Variants in PRIM2 observed in about 807,000 individuals in gnomAD.
The protein encoded by PRIM2 is DNA primase subunit 2.
Under a neutral mutation model 67.3 loss-of-function variants are expected in PRIM2, and 39 were observed. That is an observed-to-expected ratio of 0.58 (90% confidence interval 0.45 to 0.76). PRIM2 has a LOEUF of 0.76. Ranked by LOEUF, PRIM2 falls within the 30% of genes least tolerant of loss-of-function variation. The pLI is 0.00. For synonymous variants in PRIM2, 143 were observed against 198.7 expected (o/e 0.72, Z 2.36); for missense variants, 398 against 598.7 (o/e 0.66, Z 3.50).
chr6:57,391,791 G>A (rs1013866996), intron 7 of PRIM2, among the ~76,000 whole-genome samples: 4 of 152,082 alleles, frequency 2.6e-5, no homozygotes, highest in Non-Finnish European at 5.9e-5. Context: ...GAAATTGGTA[G>A]TGTGATGCCT....
Position 57,625,452 on chromosome 6 carries a change from A to G in PRIM2, c.1231-6681A>G, listed in dbSNP as rs1362342124. 2.0e-5 allele frequency among the ~76,000 whole-genome samples: 3 copies of G among 152,222 alleles called. No homozygotes were observed. The East Asian group carries it at 5.8e-4, about 29-fold the overall frequency. ...AGGATTTTGTGAGCTAAAGTTCCAAAGATCACATTGCAGGAGAAGCTGGAC... is the reference window on the plus strand; with the variant it reads ...AGGATTTTGTGAGCTAAAGTTCCAAGGATCACATTGCAGGAGAAGCTGGAC... On this transcript the variant is annotated intron_variant, in intron 12 of 13. Transcript: ENST00000615550.
At chr6:57,620,557 A>G (rs1174005643) in intron 12 of PRIM2, among the ~76,000 whole-genome samples, 4 of 152,232 alleles carry the variant, frequency 2.6e-5, no homozygotes, top group Non-Finnish European at 2.9e-5. Context: ...AAGAACTGCT[A>G]AAAGGAGCTC....
chr6:57,303,970 C>A, the PRIM2 span, among the ~76,000 whole-genome samples: 1 of 152,088 alleles, frequency 6.6e-6, no homozygotes, highest in Non-Finnish European at 1.5e-5. Context: ...GGAAAAACAT[C>A]CAAATTGAAA....
the PRIM2 span, among the ~76,000 whole-genome samples, chr6:57,245,033 G>A: frequency 6.6e-6 from 1 of 152,174 alleles, no homozygotes; most frequent in Non-Finnish European, 1.5e-5. Context: ...TCCCGGCAGG[G>A]AAGAACTGCC....
chr6:57,535,987 A>C (rs1240707677), intron 9 of PRIM2, among the ~76,000 whole-genome samples: 1 of 152,218 alleles, frequency 6.6e-6, no homozygotes, highest in East Asian at 1.9e-4. Context: ...TTAGAAAAAA[A>C]TCAGATATTA....
chr6:57,410,197 A>G (rs1237978431), intron 7 of PRIM2, among the ~76,000 whole-genome samples: 4 of 151,896 alleles, frequency 2.6e-5, no homozygotes, highest in Admixed American at 2.6e-4. Context: ...GGTGGCGGGT[A>G]CCTGTAATCC....
chr6:57,222,532 T>C, the PRIM2 span, among the ~76,000 whole-genome samples: 20 of 152,356 alleles, frequency 1.3e-4, no homozygotes, highest in Admixed American at 1.3e-3. Flanking sequence ...GTTATCACAC[T>C]TCCAGTGTCC....
chr6:57,324,100 T>C, intron 3 of PRIM2, 101 bp from the exon 4 acceptor site: 1 of 658,054 alleles, frequency 1.5e-6, no homozygotes, highest in East Asian at 2.8e-5. Context: ...AAGAAATGTT[T>C]TTGAAACTTA....
chr6:57,506,116 A>C (rs1435100603), intron 7 of PRIM2, among the ~76,000 whole-genome samples: 1 of 147,076 alleles, frequency 6.8e-6, no homozygotes, highest in Non-Finnish European at 1.5e-5. Flanking sequence ...TTTTTTTAAT[A>C]CTTAGTACTT....
At chr6:57,258,378 T>TC in the PRIM2 span, among the ~76,000 whole-genome samples, 1 of 151,768 alleles carries the variant, frequency 6.6e-6, no homozygotes, top group Non-Finnish European at 1.5e-5. Flanking sequence ...CTGACGCAAA[T>TC]GAGGTTTAAA....
the PRIM2 span, among the ~76,000 whole-genome samples, chr6:57,264,279 C>T: frequency 0.54 from 81,600 of 151,918 alleles, 23,749 homozygotes; most frequent in East Asian, 0.82. Context: ...ACCTGAAGCC[C>T]TCTTTAGTGT....
the PRIM2 span, among the ~76,000 whole-genome samples, chr6:57,241,689 T>TTTC: frequency 6.2e-4 from 1 of 1,626 alleles, no homozygotes; most frequent in South Asian, 0.036. Flanking sequence ...GAACTATGTA[T>TTTC]TTTTTTTTTT....
At chr6:57,585,006 AAAGG>A (rs1776163266) in intron 10 of PRIM2, among the ~76,000 whole-genome samples, 1 of 152,208 alleles carries the variant, frequency 6.6e-6, no homozygotes. Flanking sequence ...CAGAGCAGAA[AAAGG>A]AATATTTAAT....
the PRIM2 span, among the ~76,000 whole-genome samples, chr6:57,235,413 G>A: frequency 3.3e-5 from 5 of 150,648 alleles, no homozygotes; most frequent in Admixed American, 2.0e-4. Flanking sequence ...GCAGTGAGCT[G>A]AGATCGCGCC....
chr6:57,484,736 C>T (rs1423576892), intron 7 of PRIM2, among the ~76,000 whole-genome samples: 2 of 152,056 alleles, frequency 1.3e-5, no homozygotes, highest in African/African-American at 4.8e-5. Flanking sequence ...AGTATTTTCC[C>T]CCTAGTTCTT....
chr6:57,541,349 A>C lies in PRIM2; in HGVS notation c.1020+3724A>C, dbSNP rs1177621661. Among the ~76,000 whole-genome samples, 599 of 152,256 alleles carry C rather than the reference A, an allele frequency of 3.9e-3. 3 individuals are homozygous for C. The highest frequency in any genetic ancestry group is 0.014 in the African/African-American group (564 of 41,552). ...GGTGATCTTCCTGCCTCAGCCTCCC[A>C]AAGTGCTGGGATTACAGGTGTGAGC... On this transcript the variant is annotated intron_variant, in intron 10 of 13. Coordinates refer to ENST00000615550, the MANE Select transcript of PRIM2 (RefSeq NM_000947.5).
At chr6:57,269,855 C>G in the PRIM2 span, among the ~76,000 whole-genome samples, 7 of 152,290 alleles carry the variant, frequency 4.6e-5, no homozygotes, top group East Asian at 1.3e-3. Context: ...ATATGGCTAG[C>G]CAGTTTTCCC....
the PRIM2 span, among the ~76,000 whole-genome samples, chr6:57,238,526 A>G: frequency 6.6e-6 from 1 of 152,240 alleles, no homozygotes; most frequent in Non-Finnish European, 1.5e-5. Context: ...GAGAACAAAG[A>G]CACAACATAC....
At chr6:57,278,431 T>G in the PRIM2 span, among the ~76,000 whole-genome samples, 1 of 152,216 alleles carries the variant, frequency 6.6e-6, no homozygotes, top group Non-Finnish European at 1.5e-5. Context: ...CCATGTGTCC[T>G]CCTACCACCA....
Sources: allele counts gnomAD v4.1 joint callset (sites outside exome capture counted in the v4.1 genomes callset), GRCh38; gene constraint gnomAD v4.1.1; transcripts MANE v1.5; gene names NCBI Gene and HGNC (gene_info 2026-07-23, HGNC 2026-07-21).